The following AP1S3 variants were observed in gnomAD, a reference collection of about 807,000 sequenced individuals.
AP1S3 encodes adaptor related protein complex 1 subunit sigma 3, also known as AP-1 complex subunit sigma-3.
A neutral mutation model predicts 20.9 loss-of-function variants in AP1S3; 10 were observed. That is an observed-to-expected ratio of 0.48 (90% confidence interval 0.29 to 0.81). The LOEUF is 0.81. Among genes scored for constraint, AP1S3 ranks in the 30% least tolerant of loss-of-function variants. The pLI is 0.08. For synonymous variants in AP1S3, 41 were observed against 61.5 expected (o/e 0.67, Z 1.56); for missense variants, 154 against 183.8 (o/e 0.84, Z 0.94).
At chr2:223,811,514 A>G (rs574807533) in intron 1 of AP1S3, among the ~76,000 whole-genome samples, 39 of 151,306 alleles carry the variant, frequency 2.6e-4, no homozygotes, top group African/African-American at 9.0e-4. Context: ...GGTTGAAGTG[A>G]GCAGAGATCA....
At chr2:223,781,001 A>G (rs1351701634) in intron 1 of AP1S3, among the ~76,000 whole-genome samples, 1 of 151,666 alleles carries the variant, frequency 6.6e-6, no homozygotes, top group Non-Finnish European at 1.5e-5. Context: ...GTTTGTAAGT[A>G]TCCAGTGTTT....
intron 1 of AP1S3, among the ~76,000 whole-genome samples, chr2:223,780,335 AG>A (rs1559280779): frequency 3.2e-5 from 4 of 125,756 alleles, no homozygotes; most frequent in African/African-American, 1.3e-4. Context: ...AGAGAGAGAG[AG>A]AGAGAGAGAG....
rs760628003 is a variant in AP1S3 at position 223,777,884 on chromosome 2, A to G, written c.4-15T>C. 1 of 1,603,336 alleles carries G rather than the reference A, an allele frequency of 6.2e-7. No homozygotes were observed. Among genetic ancestry groups the G allele is most frequent in the Non-Finnish European group, 8.5e-7 (1 of 1,175,082 alleles). ...ATGAAATGTATCTAGAACAAAGGAC[A>G]CAAAAAACAGAACCTGATCAACCAA... On this transcript the variant is annotated splice_polypyrimidine_tract_variant and intron_variant, in intron 1 of 4. Transcript: ENST00000396654.
chr2:223,830,244 C>T (rs1274627636), intron 1 of AP1S3, among the ~76,000 whole-genome samples: 6 of 151,534 alleles, frequency 4.0e-5, no homozygotes, highest in Non-Finnish European at 8.8e-5. Context: ...TTTGGGAGGC[C>T]GAGGCAGGCA....
chr2:223,791,376 A>C lies in AP1S3; in HGVS notation c.4-13507T>G, dbSNP rs1198816015. 2.6e-5 allele frequency among the ~76,000 whole-genome samples: 4 copies of C among 152,370 alleles called. No individual in the cohort carries two copies. The East Asian group carries it at 7.7e-4, about 29-fold the overall frequency. ...CATCCCCAGGATGCAAGGTTGGTTC[A>C]ACATACACAGATCAATAAATGTGAT... On this transcript the variant is annotated intron_variant, in intron 1 of 4. Transcript: ENST00000396654.
intron 1 of AP1S3, among the ~76,000 whole-genome samples, chr2:223,828,519 C>A (rs558885005): frequency 1.3e-5 from 2 of 152,162 alleles, no homozygotes; most frequent in Non-Finnish European, 2.9e-5. Flanking sequence ...TGGGTCCCCA[C>A]ATGGCCCACC....
chr2:223,832,119 T>G (rs1340877760), intron 1 of AP1S3, among the ~76,000 whole-genome samples: 1 of 147,404 alleles, frequency 6.8e-6, no homozygotes, highest in East Asian at 2.0e-4. Context: ...TGGGGATTAT[T>G]AAAGGAGTTT....
intron 1 of AP1S3, among the ~76,000 whole-genome samples, chr2:223,779,411 A>T (rs1304259587): frequency 6.6e-6 from 1 of 152,142 alleles, no homozygotes; most frequent in African/African-American, 2.4e-5. Context: ...AATGTTTTTT[A>T]AAAAAGAAAT....
intron 1 of AP1S3, among the ~76,000 whole-genome samples, chr2:223,809,851 C>A (rs1283141345): frequency 6.6e-6 from 1 of 151,490 alleles, no homozygotes; most frequent in Non-Finnish European, 1.5e-5. Context: ...GCCTCAGCCT[C>A]CTGAGCAGCT....
intron 1 of AP1S3, among the ~76,000 whole-genome samples, chr2:223,829,027 G>T (rs1202383066): frequency 6.6e-6 from 1 of 152,018 alleles, no homozygotes; most frequent in African/African-American, 2.4e-5. Context: ...GTACAGATGG[G>T]GCTTCACCAT....
At chr2:223,828,228 G>A (rs1240347319) in intron 1 of AP1S3, among the ~76,000 whole-genome samples, 2 of 151,440 alleles carry the variant, frequency 1.3e-5, no homozygotes, top group Admixed American at 6.6e-5. Flanking sequence ...GATGAACCAA[G>A]TATCTAAGAT....
At chr2:223,823,828 C>T (rs897171220) in intron 1 of AP1S3, among the ~76,000 whole-genome samples, 1 of 152,084 alleles carries the variant, frequency 6.6e-6, no homozygotes, top group Non-Finnish European at 1.5e-5. Flanking sequence ...AATGTGTATA[C>T]ATATCAAAAC....
chr2:223,780,576 G>C (rs1410247625), intron 1 of AP1S3, among the ~76,000 whole-genome samples: 7 of 150,662 alleles, frequency 4.6e-5, no homozygotes, highest in Non-Finnish European at 7.4e-5. Flanking sequence ...ACAGGTGTGT[G>C]CCACCATGCC....
intron 1 of AP1S3, among the ~76,000 whole-genome samples, chr2:223,787,487 CAG>C (rs777584681): frequency 1.1e-4 from 16 of 152,142 alleles, no homozygotes; most frequent in Non-Finnish European, 2.2e-4. Flanking sequence ...CTTTGGAAGA[CAG>C]AGACAGAAAT....
At chr2:223,787,502 G>T (rs879316729) in intron 1 of AP1S3, among the ~76,000 whole-genome samples, 1 of 152,194 alleles carries the variant, frequency 6.6e-6, no homozygotes, top group Non-Finnish European at 1.5e-5. Flanking sequence ...ACAGAAATGA[G>T]ATGAAAGATT....
chr2:223,793,804 C>T (rs542762421), intron 1 of AP1S3, among the ~76,000 whole-genome samples: 4 of 151,826 alleles, frequency 2.6e-5, no homozygotes, highest in African/African-American at 9.7e-5. Flanking sequence ...CCACCTAATA[C>T]GTTTTTTTTT....
chr2:223,787,170 A>G (rs55965157), intron 1 of AP1S3, among the ~76,000 whole-genome samples: 18,019 of 152,166 alleles, frequency 0.12, 1,369 homozygotes, highest in East Asian at 0.25. Context: ...CATGTGAGGT[A>G]CTGCTTCCCC....
In AP1S3 at chr2:223,764,170, C is replaced by T. The variant is rs147990539; in HGVS notation, c.429+1043G>A. ...CTAGCCTCAAGTGATCTGCCTGCCTCGGCCTCCCAAAGTGCTGGGATTACA... is the reference window on the plus strand; with the variant it reads ...CTAGCCTCAAGTGATCTGCCTGCCTTGGCCTCCCAAAGTGCTGGGATTACA... On this transcript the variant is annotated intron_variant, in intron 4 of 4. Coordinates refer to ENST00000396654, the MANE Select transcript of AP1S3 (RefSeq NM_001039569.2). 8.6e-5 allele frequency among the ~76,000 whole-genome samples: 13 copies of T among 152,044 alleles called. 1 individual carries two copies. Among genetic ancestry groups the T allele is most frequent in the Admixed American group, 2.6e-4 (4 of 15,268 alleles).
intron 3 of AP1S3, among the ~76,000 whole-genome samples, chr2:223,775,218 C>T (rs1320708858): frequency 1.3e-5 from 2 of 152,118 alleles, no homozygotes; most frequent in Admixed American, 6.5e-5. Context: ...TAAGCACTGC[C>T]GAGTGAATGA....
Sources: gnomAD v4.1 joint callset for allele counts (sites outside exome capture counted in the v4.1 genomes callset) on GRCh38, gnomAD v4.1.1 for gene constraint, MANE v1.5 for transcripts, NCBI Gene and HGNC (gene_info 2026-07-23, HGNC 2026-07-21) for gene names.